Variants in CUX1 observed in about 807,000 individuals in gnomAD.
CUX1 encodes the protein protein CASP.
Under a neutral mutation model 158.8 loss-of-function variants are expected in CUX1, and 31 were observed. The observed-to-expected ratio is 0.20, with a 90% CI of 0.15 to 0.26. The LOEUF (loss-of-function observed/expected upper bound fraction) is 0.26. Among genes scored for constraint, CUX1 ranks in the 10% least tolerant of loss-of-function variants. CUX1 has a pLI of 1.00. For missense variants in CUX1, 1,589 were observed against 2,014.6 expected, an observed-to-expected ratio of 0.79 and a Z score of 4.04; for synonymous variants, 879 against 862.1, an observed-to-expected ratio of 1.02 and a Z score of -0.34.
rs1000992304 is a variant in CUX1, at chr7:101,869,233, T to A, written c.31-46882T>A. Among the ~76,000 whole-genome samples the A allele has an allele frequency of 2.6e-5, 4 of 151,668 alleles. No homozygotes were observed. The highest frequency in any genetic ancestry group is 9.7e-5 in the African/African-American group (4 of 41,108). The stretch of plus-strand genomic sequence containing the variant: ...CGTGACCTGTGGCAGAGGGGCTGTG[T>A]CAGAGCCCCGGCTGGCGAGAGGAGC... On this transcript the variant is annotated intron_variant, in intron 1 of 23. Transcript: ENST00000292535. The surrounding 1 kb of genome is among the most constrained non-coding windows in gnomAD (Gnocchi z 4.5).
rs1002483458 is a variant in CUX1 at position 101,856,909 on chromosome 7, C to T, written c.30+39240C>T. Among the ~76,000 whole-genome samples, 56 of 152,230 alleles carry T rather than the reference C, an allele frequency of 3.7e-4. 2 individuals are homozygous for T. Among genetic ancestry groups the T allele is most frequent in the Non-Finnish European group, 4.4e-5 (3 of 68,044 alleles). On this transcript the variant is annotated intron_variant, in intron 1 of 23. Coordinates refer to ENST00000292535, the MANE Select transcript of CUX1 (RefSeq NM_181552.4). ...CGCCTGCCAGCCGTACCACAGGCCC[C>T]GGGTGTGAACCCTCCCTCCGCGGTC...
At chr7:102,106,247 G>T (rs993529482) in intron 6 of CUX1, among the ~76,000 whole-genome samples, 1 of 151,754 alleles carries the variant, frequency 6.6e-6, no homozygotes, top group African/African-American at 2.4e-5. Context: ...ACGCCACCAC[G>T]CCCAGCTAAT....
chr7:102,020,615 C>T (rs1230442249), intron 2 of CUX1, among the ~76,000 whole-genome samples: 1 of 152,210 alleles, frequency 6.6e-6, no homozygotes, highest in East Asian at 1.9e-4. Context: ...CGTGGTGGCT[C>T]ACGCCTGTAA....
chr7:102,171,400 T>C (rs1586031591), intron 10 of CUX1, among the ~76,000 whole-genome samples: 2 of 152,078 alleles, frequency 1.3e-5, no homozygotes, highest in Non-Finnish European at 2.9e-5. Context: ...GTAATTCTAG[T>C]TGTAGTTGGC....
At chr7:102,176,418 A>G (rs1792341610) in intron 10 of CUX1, among the ~76,000 whole-genome samples, 1 of 152,128 alleles carries the variant, frequency 6.6e-6, no homozygotes, top group African/African-American at 2.4e-5. Context: ...TTTCTGTGTT[A>G]CAGCATGAGC....
At chr7:102,106,796 A>G (rs1419235454) in intron 6 of CUX1, among the ~76,000 whole-genome samples, 1 of 152,184 alleles carries the variant, frequency 6.6e-6, no homozygotes, top group African/African-American at 2.4e-5. Context: ...TGCCTTCTTC[A>G]GCCCTACCAC....
At chr7:102,177,356 G>T (rs1554512273) in intron 10 of CUX1, among the ~76,000 whole-genome samples, 1 of 151,020 alleles carries the variant, frequency 6.6e-6, no homozygotes, top group African/African-American at 2.4e-5. Context: ...GGAGGTTACA[G>T]TGAGCCGAGA....
At chr7:102,219,398 C>A (rs1554526091) in intron 20 of CUX1, among the ~76,000 whole-genome samples, 1 of 152,132 alleles carries the variant, frequency 6.6e-6, no homozygotes, top group African/African-American at 2.4e-5. Flanking sequence ...ACACCCCCTA[C>A]AGAATCTTTC....
At chr7:101,910,888 C>G (rs189964999) in intron 1 of CUX1, among the ~76,000 whole-genome samples, 4 of 152,238 alleles carry the variant, frequency 2.6e-5, no homozygotes, top group Admixed American at 2.6e-4. Flanking sequence ...TTAATAACAT[C>G]TGAAATGCCT....
chr7:101,820,492 C>T (rs1463119788), intron 1 of CUX1, among the ~76,000 whole-genome samples: 2 of 152,092 alleles, frequency 1.3e-5, no homozygotes, highest in Admixed American at 6.6e-5. Flanking sequence ...GATCCAGGAT[C>T]GTGAGTTATT....
chr7:102,256,991 C>T lies in CUX1; in HGVS notation c.*7949C>T. On this transcript the variant is annotated 3_prime_UTR_variant, in exon 24 of 24. Transcript: ENST00000292535. ...GATCATAGGCAGAGGGCCCCTTTCC[C>T]CTATAGGTGGTTCAACGTGGAGGAA... 1.0e-6 allele frequency: 1 copy of T among 985,426 alleles called. No homozygotes were observed. The highest frequency in any genetic ancestry group is 1.2e-6 in the Non-Finnish European group (1 of 829,940). 61.0% of individuals were successfully genotyped at this position (985,426 alleles called of 1,614,324 possible).
intron 8 of CUX1, among the ~76,000 whole-genome samples, chr7:102,142,755 C>T (rs1172420103): frequency 6.6e-6 from 1 of 151,808 alleles, no homozygotes; most frequent in Non-Finnish European, 1.5e-5. Flanking sequence ...GACCTTGTTT[C>T]TGCAAAAAAT....
intron 3 of CUX1, among the ~76,000 whole-genome samples, chr7:102,051,982 C>T (rs1420377011): frequency 6.6e-6 from 1 of 152,080 alleles, no homozygotes; most frequent in Non-Finnish European, 1.5e-5. Context: ...GAGGCCAAGT[C>T]AGGCAGGTCA....
At chr7:102,152,433 T>G (rs781860506) in intron 8 of CUX1, among the ~76,000 whole-genome samples, 6 of 152,110 alleles carry the variant, frequency 3.9e-5, no homozygotes, top group African/African-American at 7.3e-5. Flanking sequence ...TTGTTTGTTT[T>G]TTTGAGACAG....
intron 2 of CUX1, among the ~76,000 whole-genome samples, chr7:101,977,563 GCCC>G (rs1189184979): frequency 6.6e-6 from 1 of 152,108 alleles, no homozygotes; most frequent in Non-Finnish European, 1.5e-5. Flanking sequence ...AATGGTTTGA[GCCC>G]AAGAGATCGA....
intron 1 of CUX1, among the ~76,000 whole-genome samples, chr7:101,840,839 C>T (rs975927707): frequency 3.9e-5 from 6 of 151,902 alleles, no homozygotes; most frequent in Non-Finnish European, 2.9e-5. Flanking sequence ...TTTAACATTT[C>T]ACTTTTTTTG....
At chr7:102,273,362 A>G (rs1791366922) in intron 14 of CUX1, 2 of 1,611,306 alleles carry the variant, frequency 1.2e-6, no homozygotes, top group South Asian at 1.1e-5. Flanking sequence ...TCCTTTGGCC[A>G]CAGGACGCTG....
intron 6 of CUX1, among the ~76,000 whole-genome samples, chr7:102,107,708 T>G (rs1554488914): frequency 6.6e-6 from 1 of 152,200 alleles, no homozygotes; most frequent in African/African-American, 2.4e-5. Context: ...AAGCAGGTCG[T>G]GGGTGAGGTA....
chr7:101,925,962 CAAA>C (rs1188934790), intron 2 of CUX1, among the ~76,000 whole-genome samples: 1 of 145,062 alleles, frequency 6.9e-6, no homozygotes, highest in Non-Finnish European at 1.5e-5. Flanking sequence ...AACAAACAAA[CAAA>C]AAACCTAAAC....
Sources: allele counts gnomAD v4.1 joint callset (sites outside exome capture counted in the v4.1 genomes callset), GRCh38; gene constraint gnomAD v4.1.1; non-coding constraint Gnocchi (gnomAD v3.1); transcripts MANE v1.5; gene names NCBI Gene and HGNC (gene_info 2026-07-23, HGNC 2026-07-21).